JAK2: variants seen among roughly 807,000 people sequenced by gnomAD.
JAK2 encodes tyrosine-protein kinase JAK2.
In JAK2, 86 loss-of-function variants were observed where a neutral mutation model predicts 139.3. The ratio of observed to expected loss-of-function variants is 0.62; its 90% CI spans 0.52 to 0.74. The LOEUF is 0.74. Ranked by LOEUF, JAK2 falls within the 30% of genes least tolerant of loss-of-function variation. JAK2 has a pLI of 0.00. For missense variants in JAK2, 1,421 were observed against 1,360.3 expected, an observed-to-expected ratio of 1.04 and a Z score of -0.70; for synonymous variants, 490 against 437.7, an observed-to-expected ratio of 1.12 and a Z score of -1.49.
At chr9:5,025,546 T>G (rs1205547054) in intron 3 of JAK2, among the ~76,000 whole-genome samples, 3 of 151,614 alleles carry the variant, frequency 2.0e-5, no homozygotes, top group Admixed American at 6.6e-5. Context: ...TCCTTTTTTT[T>G]TTTTTGAGAC....
intron 2 of JAK2, among the ~76,000 whole-genome samples, chr9:4,990,705 A>G (rs930448692): frequency 2.0e-5 from 3 of 152,218 alleles, no homozygotes; most frequent in African/African-American, 7.2e-5. Context: ...CAGATCCAAA[A>G]AAAGGTCTTA....
chr9:5,021,935 T>G, intron 2 of JAK2, 28 bp from the exon 3 acceptor site: 2 of 1,368,488 alleles, frequency 1.5e-6, no homozygotes, highest in African/African-American at 1.4e-5. Flanking sequence ...GCCCAGCCCA[T>G]TTGTAACTTT....
chr9:5,038,139 A>C (rs1027700635), intron 4 of JAK2, among the ~76,000 whole-genome samples: 5 of 152,210 alleles, frequency 3.3e-5, no homozygotes, highest in African/African-American at 1.2e-4. Context: ...CTTCATGTAC[A>C]TTAAATAATT....
intron 2 of JAK2, among the ~76,000 whole-genome samples, chr9:5,016,127 G>A (rs144764836): frequency 4.6e-5 from 7 of 152,188 alleles, no homozygotes; most frequent in Non-Finnish European, 1.0e-4. Context: ...ACTATTGGAA[G>A]GGGAACCTCC....
intron 4 of JAK2, among the ~76,000 whole-genome samples, chr9:5,042,277 A>G (rs1816636065): frequency 2.0e-5 from 3 of 151,634 alleles, no homozygotes; most frequent in Non-Finnish European, 4.4e-5. Context: ...AGCTGGGACT[A>G]CAGGCGCCCG....
At chr9:5,058,243 C>T (rs995087858) in intron 8 of JAK2, among the ~76,000 whole-genome samples, 2 of 152,106 alleles carry the variant, frequency 1.3e-5, no homozygotes, top group African/African-American at 4.8e-5. Context: ...AAAGATACTA[C>T]CTGGGACTGG....
intron 22 of JAK2, among the ~76,000 whole-genome samples, chr9:5,116,216 T>C (rs1823163876): frequency 6.6e-6 from 1 of 152,176 alleles, no homozygotes; most frequent in Non-Finnish European, 1.5e-5. Context: ...TTACCCAAGG[T>C]GGCATGACTA....
At chr9:5,078,177 T>C (rs1586748957) in intron 15 of JAK2, 129 bp from the exon 16 acceptor site, 1 of 689,228 alleles carries the variant, frequency 1.5e-6, no homozygotes, top group South Asian at 2.6e-5. Flanking sequence ...TTTTTCTCAA[T>C]GCATGCCTCC....
chr9:5,074,047 T>G (rs965769574), intron 14 of JAK2, among the ~76,000 whole-genome samples: 6 of 152,178 alleles, frequency 3.9e-5, no homozygotes, highest in African/African-American at 1.4e-4. Flanking sequence ...ACATTTTGTG[T>G]TCATGATAGC....
Position 5,126,734 on chromosome 9 carries a change from C to G in JAK2, c.3342C>G (p.Pro1114=). 1 of 1,611,202 alleles carries G rather than the reference C, an allele frequency of 6.2e-7. No individual in the cohort carries two copies. Among genetic ancestry groups the G allele is most frequent in the South Asian group, 1.1e-5 (1 of 90,954 alleles). The change falls in exon 25 of 25, where the codon CCC becomes CCG. Residue 1114 remains proline (P), a synonymous_variant. Transcript: ENST00000381652. Reference sequence around the variant, plus strand: ...GGAACAATAATGTAAATCAACGCCCCTCCTTTAGGGATCTAGCTCTTCGAG... The same window carrying G: ...GGAACAATAATGTAAATCAACGCCCGTCCTTTAGGGATCTAGCTCTTCGAG... ...ECWNNNVNQR[P]SFRDLALRVD... is the part of the protein sequence containing the mutation.
At chr9:5,065,390 TTA>T (rs1419555772) in intron 9 of JAK2, among the ~76,000 whole-genome samples, 2 of 152,216 alleles carry the variant, frequency 1.3e-5, no homozygotes, top group African/African-American at 4.8e-5. Context: ...TGAAAATTCT[TTA>T]TGTTTGGATA....
intron 8 of JAK2, among the ~76,000 whole-genome samples, chr9:5,059,904 G>C (rs1255706850): frequency 6.6e-6 from 1 of 152,072 alleles, no homozygotes. Context: ...GTCCCTTTCT[G>C]ATCAATCTGT....
chr9:5,085,476 C>G, intron 19 of JAK2: 1 of 724,836 alleles, frequency 1.4e-6, no homozygotes. Flanking sequence ...GTGCAAATCT[C>G]TCATGCTCAT....
chr9:5,032,965 T>C (rs890162261), intron 4 of JAK2, among the ~76,000 whole-genome samples: 1 of 152,116 alleles, frequency 6.6e-6, no homozygotes, highest in Non-Finnish European at 1.5e-5. Flanking sequence ...AGGAGGAAGT[T>C]TGAACTCATG....
Position 5,035,908 on chromosome 9 carries a change from G to A in JAK2, c.350+6002G>A, listed in dbSNP as rs569680722. ...CAGTCAGGCTGGAGAAGGAAATAAA[G>A]GTTATTTGATTAGGAAAAGAGGAAG... On this transcript the variant is annotated intron_variant, in intron 4 of 24. Transcript: ENST00000381652. Among the ~76,000 whole-genome samples, 26 of 152,288 alleles carry A rather than the reference G, an allele frequency of 1.7e-4. No individual in the cohort carries two copies. In the South Asian group the frequency reaches 5.2e-3, roughly 30 times the overall value.
intron 14 of JAK2, among the ~76,000 whole-genome samples, chr9:5,076,810 T>G (rs1242967326): frequency 6.6e-6 from 1 of 152,172 alleles, no homozygotes; most frequent in Non-Finnish European, 1.5e-5. Flanking sequence ...AAATTGATAA[T>G]CTTCTCAAAA....
chr9:5,124,637 A>G (rs1220055737), intron 23 of JAK2, among the ~76,000 whole-genome samples: 1 of 151,932 alleles, frequency 6.6e-6, no homozygotes, highest in Non-Finnish European at 1.5e-5. Context: ...TGGAAGCATC[A>G]CATTACTTGA....
intron 9 of JAK2, among the ~76,000 whole-genome samples, chr9:5,065,684 T>C (rs1289036948): frequency 6.6e-6 from 1 of 152,186 alleles, no homozygotes; most frequent in Non-Finnish European, 1.5e-5. Flanking sequence ...CTTACTTTAA[T>C]ACTGGGTAAA....
chr9:5,117,224 A>T (rs1823261520), intron 22 of JAK2, among the ~76,000 whole-genome samples: 1 of 152,202 alleles, frequency 6.6e-6, no homozygotes, highest in African/African-American at 2.4e-5. Flanking sequence ...GTTCTTTATA[A>T]ATTATCCATT....
Sources: allele counts gnomAD v4.1 joint callset (sites outside exome capture counted in the v4.1 genomes callset), GRCh38; gene constraint gnomAD v4.1.1; transcripts MANE v1.5; gene names NCBI Gene and HGNC (gene_info 2026-07-23, HGNC 2026-07-21).